XRCC4: variants seen among roughly 807,000 people sequenced by gnomAD.
The protein encoded by XRCC4 is X-ray repair cross complementing 4.
A neutral mutation model predicts 39.1 loss-of-function variants in XRCC4; 28 were observed. That is an observed-to-expected ratio of 0.72 (90% confidence interval 0.53 to 0.98). XRCC4 has a LOEUF of 0.98. Among genes scored for constraint, XRCC4 ranks in the 50% least tolerant of loss-of-function variants. The probability of loss-of-function intolerance (pLI) is 0.00; values close to 1 mark genes in which losing one functional copy is unlikely to be tolerated. For missense variants in XRCC4, 350 were observed against 376.4 expected (o/e 0.93, Z 0.58); for synonymous variants, 123 against 126.4 (o/e 0.97, Z 0.18).
chr5:83,080,169 T>C (rs1028546072), intron 1 of XRCC4, among the ~76,000 whole-genome samples: 6 of 152,184 alleles, frequency 3.9e-5, no homozygotes, highest in Non-Finnish European at 7.3e-5. Flanking sequence ...AGTCCCTCCT[T>C]ATCTGAGGTT....
chr5:83,241,963 AG>A (rs1392103807), intron 6 of XRCC4, among the ~76,000 whole-genome samples: 2 of 150,442 alleles, frequency 1.3e-5, no homozygotes, highest in Non-Finnish European at 3.0e-5. Flanking sequence ...GAAGAGGAGG[AG>A]GAGGAGGAGG....
intron 7 of XRCC4, among the ~76,000 whole-genome samples, chr5:83,278,989 A>G (rs1210897701): frequency 6.9e-6 from 1 of 145,878 alleles, no homozygotes; most frequent in Non-Finnish European, 1.5e-5. Context: ...CGGCAGAGCA[A>G]GACTCCATCT....
At chr5:83,332,363 A>G (rs1323537352) in intron 7 of XRCC4, among the ~76,000 whole-genome samples, 1 of 152,136 alleles carries the variant, frequency 6.6e-6, no homozygotes, top group Non-Finnish European at 1.5e-5. Flanking sequence ...GGACATATGT[A>G]TGTAGGCACC....
the XRCC4 span, among the ~76,000 whole-genome samples, chr5:83,365,746 C>T: frequency 3.3e-5 from 5 of 152,112 alleles, no homozygotes; most frequent in Admixed American, 3.3e-4. Context: ...AAGGCAAGAA[C>T]AAAAATATGA....
intron 2 of XRCC4, among the ~76,000 whole-genome samples, chr5:83,108,095 C>T (rs1404992072): frequency 6.6e-6 from 1 of 151,876 alleles, no homozygotes; most frequent in East Asian, 1.9e-4. Context: ...TCTACCAGTT[C>T]CTTGTTTTTT....
intron 7 of XRCC4, among the ~76,000 whole-genome samples, chr5:83,336,050 GATAAAA>G (rs1756585363): frequency 6.6e-6 from 1 of 151,846 alleles, no homozygotes; most frequent in African/African-American, 2.4e-5. Flanking sequence ...AGTGTTCAGT[GATAAAA>G]ATAGGAAATA....
intron 4 of XRCC4, among the ~76,000 whole-genome samples, chr5:83,198,636 C>A (rs921521609): frequency 1.3e-5 from 2 of 151,884 alleles, no homozygotes; most frequent in African/African-American, 4.8e-5. Context: ...ATATGTATCA[C>A]CATTATAATC....
At chr5:83,189,893 G>A (rs1750617478) in intron 3 of XRCC4, among the ~76,000 whole-genome samples, 1 of 151,936 alleles carries the variant, frequency 6.6e-6, no homozygotes, top group African/African-American at 2.4e-5. Context: ...GTGAAACTCC[G>A]TCTCTACTAA....
intron 7 of XRCC4, among the ~76,000 whole-genome samples, chr5:83,306,390 A>T (rs1205861409): frequency 6.6e-6 from 1 of 152,212 alleles, no homozygotes; most frequent in Non-Finnish European, 1.5e-5. Flanking sequence ...ACATTTCAGT[A>T]TATAAAATCA....
At chr5:83,338,339 T>A (rs1055781915) in intron 7 of XRCC4, among the ~76,000 whole-genome samples, 2 of 152,160 alleles carry the variant, frequency 1.3e-5, no homozygotes, top group Non-Finnish European at 2.9e-5. Flanking sequence ...GAGGCTGAGA[T>A]ATGTAGCTTT....
rs541933953 is a variant in XRCC4, at chr5:83,335,626, G to A, written c.894-17505G>A. ...TTGTGAGATTTTCAAGGACAGGAGT[G>A]TTGTTTATCTTTTCATCTCAGAGGC... is the stretch of plus-strand genomic sequence containing the variant. On this transcript the variant is annotated intron_variant, in intron 7 of 7. Transcript: ENST00000396027. Among the ~76,000 whole-genome samples the A allele has an allele frequency of 2.0e-5, 3 of 152,106 alleles. No individual in the cohort carries two copies. In the East Asian group the frequency reaches 5.8e-4, roughly 29 times the overall value.
the XRCC4 span, among the ~76,000 whole-genome samples, chr5:83,366,001 CA>C: frequency 6.6e-6 from 1 of 152,180 alleles, no homozygotes; most frequent in South Asian, 2.1e-4. Context: ...TCCCCTCCTT[CA>C]GCTTATGCCC....
At chr5:83,096,951 C>T (rs1745705151) in intron 1 of XRCC4, among the ~76,000 whole-genome samples, 1 of 152,120 alleles carries the variant, frequency 6.6e-6, no homozygotes, top group African/African-American at 2.4e-5. Context: ...TGCATGGCCC[C>T]TGGATATATT....
intron 7 of XRCC4, among the ~76,000 whole-genome samples, chr5:83,294,960 C>G (rs536281250): frequency 5.3e-5 from 8 of 151,918 alleles, no homozygotes; most frequent in Non-Finnish European, 1.2e-4. Context: ...AATTAGTAGA[C>G]AAATAATGCT....
intron 7 of XRCC4, among the ~76,000 whole-genome samples, chr5:83,272,511 T>G (rs1754178108): frequency 6.6e-6 from 1 of 152,110 alleles, no homozygotes; most frequent in African/African-American, 2.4e-5. Context: ...GTCACACTCA[T>G]CAACCCATCA....
At chr5:83,154,614 TTTTC>T (rs1748870804) in intron 3 of XRCC4, among the ~76,000 whole-genome samples, 3 of 152,338 alleles carry the variant, frequency 2.0e-5, no homozygotes, top group African/African-American at 2.4e-5. Flanking sequence ...TCTTTCTGGT[TTTTC>T]TTTCTTATTC....
At chr5:83,136,952 A>G (rs578031559) in intron 3 of XRCC4, among the ~76,000 whole-genome samples, 16 of 152,350 alleles carry the variant, frequency 1.1e-4, no homozygotes, top group African/African-American at 3.6e-4. Flanking sequence ...TGTTCTCTTC[A>G]CAAACACACA....
chr5:83,275,334 G>A lies in XRCC4; in HGVS notation c.893+16657G>A, dbSNP rs1422537502. Among the ~76,000 whole-genome samples the A allele has an allele frequency of 1.8e-4, 27 of 146,912 alleles. 1 individual carries two copies. Among genetic ancestry groups the A allele is most frequent in the African/African-American group, 6.6e-4 (26 of 39,472 alleles). ...TTTTGAGACGGAGTCTCGCTCTGTC[G>A]CCCAGGCTGGAGTGCAGTGGCGGGA... On this transcript the variant is annotated intron_variant, in intron 7 of 7. Coordinates refer to ENST00000396027, the MANE Select transcript of XRCC4 (RefSeq NM_003401.5).
chr5:83,320,501 G>T (rs1388029453), intron 7 of XRCC4, among the ~76,000 whole-genome samples: 3 of 151,962 alleles, frequency 2.0e-5, no homozygotes, highest in Non-Finnish European at 2.9e-5. Context: ...GCAGAGGTGG[G>T]GTTTGAGAAT....
Sources: gnomAD v4.1 joint callset for allele counts (sites outside exome capture counted in the v4.1 genomes callset) on GRCh38, gnomAD v4.1.1 for gene constraint, MANE v1.5 for transcripts, NCBI Gene and HGNC (gene_info 2026-07-23, HGNC 2026-07-21) for gene names.